Variants in PTPRR observed in about 807,000 individuals in gnomAD.
PTPRR encodes the protein protein tyrosine phosphatase receptor type R, also known as receptor-type tyrosine-protein phosphatase R.
A neutral mutation model predicts 77.2 loss-of-function variants in PTPRR; 38 were observed. The ratio of observed to expected loss-of-function variants is 0.49; its 90% confidence interval spans 0.38 to 0.65. The LOEUF (loss-of-function observed/expected upper bound fraction) is 0.65. Ranked by LOEUF, PTPRR falls within the 30% of genes least tolerant of loss-of-function variation. The pLI, the probability that PTPRR is intolerant of heterozygous loss-of-function variation, is 0.00. For missense variants in PTPRR, 744 were observed against 799.2 expected (o/e 0.93, Z 0.83); for synonymous variants, 299 against 283.1 (o/e 1.06, Z -0.57).
rs143391230 is a variant in PTPRR at position 70,801,356 on chromosome 12, C to G, written c.358-36578G>C. 5.3e-5 allele frequency among the ~76,000 whole-genome samples: 8 copies of G among 152,288 alleles called. No homozygotes were observed. In the East Asian group the frequency reaches 1.5e-3, roughly 29 times the overall value. ...TGACTGTGAGGGTGTTTCTGGATGACATTAACATTTGAATTGAAAAATGAG... is the reference window on the plus strand; with the variant it reads ...TGACTGTGAGGGTGTTTCTGGATGAGATTAACATTTGAATTGAAAAATGAG... On this transcript the variant is annotated intron_variant, in intron 2 of 13. Coordinates refer to ENST00000283228, the MANE Select transcript of PTPRR (RefSeq NM_002849.4).
chr12:70,911,580 G>A (rs1893699606), intron 1 of PTPRR, among the ~76,000 whole-genome samples: 1 of 152,098 alleles, frequency 6.6e-6, no homozygotes, highest in Admixed American at 6.5e-5. Context: ...ACTTGCTGAA[G>A]ACATGATGCT....
intron 2 of PTPRR, among the ~76,000 whole-genome samples, chr12:70,880,978 A>C (rs1242700168): frequency 6.6e-6 from 1 of 152,218 alleles, no homozygotes; most frequent in Non-Finnish European, 1.5e-5. Flanking sequence ...TACATGAAAA[A>C]AAATTTTGTA....
chr12:70,918,582 C>T (rs915606450), intron 1 of PTPRR, among the ~76,000 whole-genome samples: 3 of 152,152 alleles, frequency 2.0e-5, no homozygotes, highest in Admixed American at 2.0e-4. Flanking sequence ...TTTTTCTCAT[C>T]CCGAATATTC....
At chr12:70,875,311 A>G (rs1201809659) in intron 2 of PTPRR, among the ~76,000 whole-genome samples, 1 of 152,198 alleles carries the variant, frequency 6.6e-6, no homozygotes, top group Non-Finnish European at 1.5e-5. Context: ...AAATGTACAT[A>G]TTTTTGTGTG....
At chr12:70,779,567 TTC>T (rs1180337663) in intron 2 of PTPRR, among the ~76,000 whole-genome samples, 1 of 152,236 alleles carries the variant, frequency 6.6e-6, no homozygotes, top group Non-Finnish European at 1.5e-5. Context: ...ATCTGACAGT[TTC>T]TTGTTTACTT....
intron 2 of PTPRR, among the ~76,000 whole-genome samples, chr12:70,846,740 A>G (rs1366548679): frequency 6.6e-6 from 1 of 152,176 alleles, no homozygotes; most frequent in Non-Finnish European, 1.5e-5. Context: ...CCAGACGCCA[A>G]ATCTGCTGGG....
intron 2 of PTPRR, among the ~76,000 whole-genome samples, chr12:70,819,251 GC>G (rs1371267980): frequency 1.4e-4 from 22 of 152,234 alleles, no homozygotes; most frequent in Non-Finnish European, 5.9e-5. Context: ...GTTGCACTGA[GC>G]TGAGATTGCA....
chr12:70,902,652 G>T (rs1319347829), intron 1 of PTPRR, among the ~76,000 whole-genome samples: 1 of 151,764 alleles, frequency 6.6e-6, no homozygotes, highest in African/African-American at 2.4e-5. Context: ...ACCAAACATC[G>T]TATGTTCTCA....
At chr12:70,714,953 C>G (rs369738031) in intron 6 of PTPRR, among the ~76,000 whole-genome samples, 1 of 152,124 alleles carries the variant, frequency 6.6e-6, no homozygotes, top group African/African-American at 2.4e-5. Flanking sequence ...CTACTGCACT[C>G]CAGCCTTGGT....
chr12:70,823,508 C>T (rs1892057776), intron 2 of PTPRR, among the ~76,000 whole-genome samples: 1 of 152,212 alleles, frequency 6.6e-6, no homozygotes, highest in Non-Finnish European at 1.5e-5. Context: ...GAGTGCCCTA[C>T]ACTTATTTTT....
At chr12:70,869,351 CACAGTCT>C (rs1892921444) in intron 2 of PTPRR, among the ~76,000 whole-genome samples, 1 of 152,078 alleles carries the variant, frequency 6.6e-6, no homozygotes, top group Non-Finnish European at 1.5e-5. Context: ...ACCTGGCAAT[CACAGTCT>C]TGCTTTGAGG....
At chr12:70,661,189 T>A (rs751149582) in intron 11 of PTPRR, 92 bp from the exon 12 acceptor site, 158 of 1,493,386 alleles carry the variant, frequency 1.1e-4, no homozygotes, top group Middle Eastern at 1.7e-4. Flanking sequence ...ATCACCCCCA[T>A]CTTGCTGGCA....
At chr12:70,822,680 G>A (rs1368624771) in intron 2 of PTPRR, among the ~76,000 whole-genome samples, 1 of 152,140 alleles carries the variant, frequency 6.6e-6, no homozygotes, top group Non-Finnish European at 1.5e-5. Context: ...TGCAGAGGAA[G>A]GAAATTAAAT....
At chr12:70,695,527 C>A (rs1382542267) in intron 8 of PTPRR, among the ~76,000 whole-genome samples, 1 of 152,162 alleles carries the variant, frequency 6.6e-6, no homozygotes, top group Non-Finnish European at 1.5e-5. Flanking sequence ...ATCCAGCGGT[C>A]CACCCAGTTC....
intron 2 of PTPRR, among the ~76,000 whole-genome samples, chr12:70,888,235 C>G (rs891347196): frequency 6.6e-6 from 1 of 152,082 alleles, no homozygotes; most frequent in African/African-American, 2.4e-5. Flanking sequence ...TCGCATAGTT[C>G]TTAGCATACT....
chr12:70,839,198 A>G (rs1216837104), intron 2 of PTPRR, among the ~76,000 whole-genome samples: 1 of 152,200 alleles, frequency 6.6e-6, no homozygotes, highest in Non-Finnish European at 1.5e-5. Flanking sequence ...ATAAACTCAT[A>G]GATCAGAACT....
intron 12 of PTPRR, 85 bp from the exon 13 acceptor site, chr12:70,656,902 T>A: frequency 1.1e-6 from 1 of 913,638 alleles, no homozygotes; most frequent in Non-Finnish European, 1.7e-6. Context: ...CTTTTAAATC[T>A]GAAACCACAG....
chr12:70,875,857 T>C lies in PTPRR; in HGVS notation c.357+16822A>G, dbSNP rs537817645. Among the ~76,000 whole-genome samples the C allele has an allele frequency of 9.9e-5, 15 of 152,140 alleles. No homozygotes were observed. In the East Asian group the frequency reaches 2.9e-3, roughly 29 times the overall value. ...GAAAGAGATAACCCAATATACCAGA[T>C]AAGATTAAACAATTTGCATGAGAGG... is the stretch of plus-strand genomic sequence containing the variant. On this transcript the variant is annotated intron_variant, in intron 2 of 13. Transcript: ENST00000283228.
chr12:70,731,103 A>AGAGGAAGGAAG, intron 6 of PTPRR, among the ~76,000 whole-genome samples: 1 of 148,766 alleles, frequency 6.7e-6, no homozygotes, highest in Non-Finnish European at 1.5e-5. Flanking sequence ...GGAAGGAGAG[A>AGAGGAAGGAAG]GAGGAAGGAA....
Sources: allele counts gnomAD v4.1 joint callset (sites outside exome capture counted in the v4.1 genomes callset), GRCh38; gene constraint gnomAD v4.1.1; transcripts MANE v1.5; gene names NCBI Gene and HGNC (gene_info 2026-07-23, HGNC 2026-07-21).